Variants in INSL3 observed in about 807,000 individuals in gnomAD.
The protein encoded by INSL3 is insulin-like 3.
INSL3 carries 6 observed loss-of-function variants against 5.5 expected under a neutral mutation model. The observed-to-expected ratio is 1.08, with a 90% CI of 0.59 to 2.14. The LOEUF (loss-of-function observed/expected upper bound fraction) is 2.14. Ranked by LOEUF, INSL3 falls within the 30% of genes most tolerant of loss-of-function variation. The probability of loss-of-function intolerance (pLI) is 0.00; values close to 1 mark genes in which losing one functional copy is unlikely to be tolerated. For missense variants in INSL3, 178 were observed against 184.7 expected (o/e 0.96, Z 0.21); for synonymous variants, 86 against 82.1 (o/e 1.05, Z -0.26).
At chr19:17,817,846 C>T (rs182013663) in intron 1 of INSL3, among the ~76,000 whole-genome samples, 15 of 144,604 alleles carry the variant, frequency 1.0e-4, no homozygotes, top group Admixed American at 5.6e-4. Context: ...ACCTACTGTA[C>T]GCCAGGCACC....
intron 1 of INSL3, among the ~76,000 whole-genome samples, 197 bp from the exon 2 acceptor site, chr19:17,817,256 T>A (rs2094189195): frequency 6.7e-6 from 1 of 150,032 alleles, no homozygotes; most frequent in Admixed American, 6.7e-5. Flanking sequence ...GGTGGGCGGA[T>A]CACGAGGTCA....
Position 17,821,438 on chromosome 19 carries a change from G to C in INSL3, c.69C>G (p.Pro23=). The change falls in exon 1 of 2, where the codon CCC becomes CCG. Residue 23 remains proline, a synonymous_variant. Transcript: ENST00000317306. ...LGPALVFALG[P]APTPEMREKL... is the part of the protein sequence containing the mutation. Reference sequence around the variant, plus strand: ...TCTCACGCATCTCTGGGGTGGGCGCGGGGCCCAACGCGAACACCAGGGCAG... The same window carrying C: ...TCTCACGCATCTCTGGGGTGGGCGCCGGGCCCAACGCGAACACCAGGGCAG... The C allele has an allele frequency of 6.5e-7, 1 of 1,543,996 alleles. No homozygotes were observed. Among genetic ancestry groups the C allele is most frequent in the Non-Finnish European group, 8.8e-7 (1 of 1,142,646 alleles).
In INSL3 at chr19:17,817,433, C is replaced by T. The variant is rs184308937; in HGVS notation, c.191-374G>A. ...CCAGGAGGCAGAGCTTGCAGTGAGC[C>T]GAGATCACGCCACTGCACTCCAGCC... On this transcript the variant is annotated intron_variant, in intron 1 of 1. Coordinates refer to ENST00000317306, the MANE Select transcript of INSL3 (RefSeq NM_005543.4). 5.6e-5 allele frequency among the ~76,000 whole-genome samples: 8 copies of T among 144,066 alleles called. No homozygotes were observed. The East Asian group carries it at 1.5e-3, about 26-fold the overall frequency. 94.5% of individuals were successfully genotyped at this position (144,066 alleles called of 152,430 possible).
intron 1 of INSL3, 150 bp downstream of exon 1, chr19:17,821,167 C>T (rs2094194971): frequency 4.3e-6 from 4 of 935,134 alleles, no homozygotes; most frequent in Non-Finnish European, 6.5e-6. Context: ...CACTCCAGTG[C>T]GGACCCACGA....
Position 17,821,480 on chromosome 19 carries a change from C to T in INSL3, c.27G>A (p.Ala9=), listed in dbSNP as rs2286663. 93,311 of 1,507,378 alleles carry T rather than the reference C, an allele frequency of 0.062. 4,157 individuals carry two copies. Among genetic ancestry groups the T allele is most frequent in the East Asian group, 0.23 (9,222 of 40,140 alleles). The allele number at this position is 1,507,378 out of a possible 1,614,324, so 93.4% of individuals were successfully genotyped here. The change falls in exon 1 of 2, where the codon GCG becomes GCA. Residue 9 remains alanine, a synonymous_variant. Coordinates refer to ENST00000317306, the MANE Select transcript of INSL3 (RefSeq NM_005543.4). MDPRLPAW[A]LVLLGPALVF... ...CCAGGGCAGGGCCCAGCAGCACCAG[C>T]GCCCAGGCGGGCAGACGGGGGTCCA...
rs77930912 is a variant in INSL3 at position 17,819,306 on chromosome 19, T to A, written c.190+2011A>T. On this transcript the variant is annotated intron_variant, in intron 1 of 1. Coordinates refer to ENST00000317306, the MANE Select transcript of INSL3 (RefSeq NM_005543.4). Reference sequence around the variant, plus strand: ...TGAGACAAGGGTCTCTGTCTCAGGCTGAGTCTCATATTGCCCAGGTTGGTC... The same window carrying A: ...TGAGACAAGGGTCTCTGTCTCAGGCAGAGTCTCATATTGCCCAGGTTGGTC... 7.0e-3 allele frequency among the ~76,000 whole-genome samples: 1,060 copies of A among 151,878 alleles called. 57 individuals are homozygous for A. The East Asian group carries it at 0.12, about 17-fold the overall frequency.
intron 1 of INSL3, among the ~76,000 whole-genome samples, chr19:17,820,649 C>G (rs1450841692): frequency 6.6e-6 from 1 of 151,938 alleles, no homozygotes; most frequent in Non-Finnish European, 1.5e-5. Context: ...CAGAGTGAGA[C>G]CCTGTCTCAA....
At chr19:17,817,155 AC>A (rs1396777539) in intron 1 of INSL3, 96 bp from the exon 2 acceptor site, 36 of 1,186,938 alleles carry the variant, frequency 3.0e-5, no homozygotes, top group Admixed American at 7.9e-5. Flanking sequence ...CCACTGAGTA[AC>A]CCACCAAACA....
intron 1 of INSL3, among the ~76,000 whole-genome samples, chr19:17,819,912 C>T (rs2094193045): frequency 6.8e-6 from 1 of 146,764 alleles, no homozygotes; most frequent in Admixed American, 6.9e-5. Context: ...TTCACCTGTT[C>T]ACCTGTCTCT....
chr19:17,819,246 TATAATA>T (rs1387877040), intron 1 of INSL3, among the ~76,000 whole-genome samples: 1 of 147,872 alleles, frequency 6.8e-6, no homozygotes, highest in African/African-American at 2.5e-5. Flanking sequence ...AATATATATA[TATAATA>T]ATAATAATAT....
intron 1 of INSL3, among the ~76,000 whole-genome samples, chr19:17,817,671 T>C (rs1164157112): frequency 6.6e-6 from 1 of 150,766 alleles, no homozygotes; most frequent in African/African-American, 2.4e-5. Context: ...GGTGGACGCC[T>C]GTAATCCCAG....
chr19:17,820,276 T>C, intron 1 of INSL3: 1 of 297,984 alleles, frequency 3.4e-6, no homozygotes, highest in Non-Finnish European at 6.4e-6. Flanking sequence ...AGAGCGAGGC[T>C]ATGTCTCAAA....
chr19:17,816,818 G>A lies in INSL3; in HGVS notation c.*36C>T. Reference sequence around the variant, plus strand: ...GAGCTCACCAGACCAGACCCTCTGGGCCTCAGGCCACTCTGAGGCTGCACC... The same window carrying A: ...GAGCTCACCAGACCAGACCCTCTGGACCTCAGGCCACTCTGAGGCTGCACC... On this transcript the variant is annotated 3_prime_UTR_variant, in exon 2 of 2. Coordinates refer to ENST00000317306, the MANE Select transcript of INSL3 (RefSeq NM_005543.4). 2 of 1,602,932 alleles carry A rather than the reference G, an allele frequency of 1.2e-6. No individual in the cohort carries two copies. Among genetic ancestry groups the A allele is most frequent in the Admixed American group, 1.7e-5 (1 of 59,992 alleles).
chr19:17,821,337 C>A lies in INSL3; in HGVS notation c.170G>T (p.Arg57Met). ...CTCACGGTCGCCTCCGGTCGCAGGC[C>A]TCCTGGCTTCGGTGGACCAGCGGGG... Reference protein sequence around the residue: ...GGPRWSTEARRPATGGDRELL... With the variant: ...GGPRWSTEARMPATGGDRELL... The change falls in exon 1 of 2, where the codon AGG (arginine) becomes ATG (methionine). Residue 57 changes from arginine (R) to methionine (M), a missense_variant. Transcript: ENST00000317306. 6.5e-7 allele frequency: 1 copy of A among 1,548,690 alleles called. No individual in the cohort carries two copies. Among genetic ancestry groups the A allele is most frequent in the African/African-American group, 1.4e-5 (1 of 73,164 alleles).
In INSL3 at chr19:17,821,358, C is replaced by CG. The variant is rs1187807999; in HGVS notation, c.148dup (p.Arg50ProfsTer16). The CG allele has an allele frequency of 1.0e-5, 16 of 1,548,580 alleles. No individual in the cohort carries two copies. Among genetic ancestry groups the CG allele is most frequent in the South Asian group, 1.2e-5 (1 of 84,022 alleles). ...AGGCCTCCTGGCTTCGGTGGACCAG[C>CG]GGGGGCCCCCGCACACGCGCACTAG... On this transcript the variant is annotated frameshift_variant, in exon 1 of 2. Coordinates refer to ENST00000317306, the MANE Select transcript of INSL3 (RefSeq NM_005543.4). LOFTEE classifies it low-confidence loss of function (END_TRUNC).
In INSL3 at chr19:17,821,378, C is replaced by A. The variant is rs1315069690; in HGVS notation, c.129G>T (p.Val43=). The change falls in exon 1 of 2, where the codon GTG becomes GTT. Residue 43 remains valine (V), a synonymous_variant. Coordinates refer to ENST00000317306, the MANE Select transcript of INSL3 (RefSeq NM_005543.4). ...ACCAGCGGGGGCCCCCGCACACGCG[C>A]ACTAGCGCGCGTACGAAGTGGTGGC... ...LCGHHFVRAL[V]RVCGGPRWST... The A allele has an allele frequency of 1.3e-6, 2 of 1,548,560 alleles. No individual in the cohort carries two copies. Among genetic ancestry groups the A allele is most frequent in the South Asian group, 2.4e-5 (2 of 83,976 alleles).
chr19:17,819,738 A>G (rs746263613), intron 1 of INSL3, among the ~76,000 whole-genome samples: 1 of 152,146 alleles, frequency 6.6e-6, no homozygotes, highest in Non-Finnish European at 1.5e-5. Context: ...GCTACTCAGG[A>G]GGCTGAGGCA....
chr19:17,818,078 G>T (rs1010325758), intron 1 of INSL3, among the ~76,000 whole-genome samples: 9 of 152,072 alleles, frequency 5.9e-5, no homozygotes, highest in Non-Finnish European at 1.3e-4. Context: ...GACATGCAGG[G>T]GTGTACATGT....
rs113403604 is a variant in INSL3 at position 17,821,348 on chromosome 19, G to C, written c.159C>G (p.Thr53=). 451 of 1,549,024 alleles carry C rather than the reference G, an allele frequency of 2.9e-4. 1 individual carries two copies. In the Middle Eastern group the frequency reaches 5.5e-3, roughly 19 times the overall value. ...CTCCGGTCGCAGGCCTCCTGGCTTC[G>C]GTGGACCAGCGGGGGCCCCCGCACA... The part of the protein sequence containing the change: ...VRVCGGPRWS[T]EARRPATGGD... Residue 53 remains threonine (T), a synonymous_variant, in exon 1 of 2, where the codon ACC becomes ACG. Transcript: ENST00000317306.
Sources: gnomAD v4.1 joint callset for allele counts (sites outside exome capture counted in the v4.1 genomes callset) on GRCh38, gnomAD v4.1.1 for gene constraint, MANE v1.5 for transcripts, NCBI Gene and HGNC (gene_info 2026-07-23, HGNC 2026-07-21) for gene names.